Variants in SH3TC2 observed in about 807,000 individuals in gnomAD.
SH3TC2 encodes the protein SH3 domain and tetratricopeptide repeat-containing protein 2.
SH3TC2 carries 87 observed loss-of-function variants against 124.5 expected under a neutral mutation model. That is an observed-to-expected ratio of 0.70 (90% CI 0.59 to 0.84). The LOEUF is 0.84. Ranked by LOEUF, SH3TC2 falls within the 40% of genes least tolerant of loss-of-function variation. The probability of loss-of-function intolerance (pLI) is 0.00; values close to 1 mark genes in which losing one functional copy is unlikely to be tolerated. For missense variants in SH3TC2, 1,536 were observed against 1,566.4 expected (o/e 0.98, Z 0.33); for synonymous variants, 634 against 628.5 (o/e 1.01, Z -0.13).
chr5:149,042,872 A>G, intron 4 of SH3TC2, 35 bp from the exon 5 acceptor site: 1 of 1,613,112 alleles, frequency 6.2e-7, no homozygotes, highest in Non-Finnish European at 8.5e-7. Context: ...TCTGAACAAA[A>G]TGATTTCTGA....
intron 1 of SH3TC2, among the ~76,000 whole-genome samples, chr5:149,055,526 GT>G (rs1754630918): frequency 6.6e-6 from 1 of 152,082 alleles, no homozygotes; most frequent in African/African-American, 2.4e-5. Context: ...CCAAGTGTTT[GT>G]GAGGATATAG....
At position 148,987,195 on chromosome 5, in the gene SH3TC2, T is replaced by C. The variant is rs1753346370; in HGVS notation, c.*17516A>G. On this transcript the variant is annotated 3_prime_UTR_variant, in exon 17 of 17. Transcript: ENST00000515425. ...ATTATTTTAACCACTGTAACCCCTCTGTGGGGAGAGGAGAAAAAGCACATT... is the reference window on the plus strand; with the variant it reads ...ATTATTTTAACCACTGTAACCCCTCCGTGGGGAGAGGAGAAAAAGCACATT... 6.6e-6 allele frequency among the ~76,000 whole-genome samples: 1 copy of C among 152,228 alleles called. No homozygotes were observed. Among genetic ancestry groups the C allele is most frequent in the African/African-American group, 2.4e-5 (1 of 41,464 alleles).
chr5:149,007,868 A>C (rs1273061429), intron 15 of SH3TC2: 1 of 152,552 alleles, frequency 6.6e-6, no homozygotes, highest in Non-Finnish European at 1.5e-5. Context: ...AAGAGAGAGA[A>C]AATTCTCTGA....
intron 1 of SH3TC2, among the ~76,000 whole-genome samples, chr5:149,054,223 T>G (rs907595789): frequency 2.0e-5 from 3 of 152,186 alleles, no homozygotes; most frequent in Non-Finnish European, 2.9e-5. Flanking sequence ...AGAAAAAATA[T>G]TGCTTCATCC....
At position 149,021,884 on chromosome 5, in the gene SH3TC2, C is replaced by CTTT. The variant is rs869151294; in HGVS notation, c.3053+4685_3053+4687dup. 6.4e-4 allele frequency among the ~76,000 whole-genome samples: 21 copies of CTTT among 32,860 alleles called. 9 individuals are homozygous for CTTT. Among genetic ancestry groups the CTTT allele is most frequent in the East Asian group, 2.1e-3 (2 of 934 alleles). 21.6% of individuals were successfully genotyped at this position (32,860 alleles called of 152,430 possible). A position where few individuals can be genotyped will look rare whatever the true frequency, so the allele number is the denominator to read the frequency against. The stretch of plus-strand genomic sequence containing the variant: ...AACACCAATCCTTCACAAACTCTTT[C>CTTT]TTTTTTTTTTTTTTTTTTTTTTTTT... On this transcript the variant is annotated intron_variant, in intron 12 of 16. Transcript: ENST00000515425.
Position 148,992,561 on chromosome 5 carries a change from A to G in SH3TC2, c.*12150T>C, listed in dbSNP as rs1203309624. ...CCATGAGGCCTTTGAAAGTATGTGT[A>G]TGGGTGTGTATACATAATTCCAAGA... is the stretch of plus-strand genomic sequence containing the variant. On this transcript the variant is annotated 3_prime_UTR_variant, in exon 17 of 17. Transcript: ENST00000515425. Among the ~76,000 whole-genome samples the G allele has an allele frequency of 7.2e-6, 1 of 138,400 alleles. No homozygotes were observed. The highest frequency in any genetic ancestry group is 7.3e-5 in the Admixed American group (1 of 13,654). 90.8% of individuals were successfully genotyped at this position (138,400 alleles called of 152,430 possible).
chr5:149,009,818 T>C (rs1380449345), intron 14 of SH3TC2, among the ~76,000 whole-genome samples: 3 of 152,182 alleles, frequency 2.0e-5, no homozygotes, highest in Middle Eastern at 3.2e-3. Flanking sequence ...GCTTGTATTA[T>C]ATATTTTTAA....
rs115523096 is a variant in SH3TC2 at position 148,982,329 on chromosome 5, C to G, written c.*22382G>C. Reference sequence around the variant, plus strand: ...GACAAGAGCATCATGAAGGGCCATTCAGCGTCTATCAAAACAACAAATGCA... The same window carrying G: ...GACAAGAGCATCATGAAGGGCCATTGAGCGTCTATCAAAACAACAAATGCA... On this transcript the variant is annotated 3_prime_UTR_variant, in exon 17 of 17. Transcript: ENST00000515425. Among the ~76,000 whole-genome samples, 775 of 152,318 alleles carry G rather than the reference C, an allele frequency of 5.1e-3. 10 individuals are homozygous for G. The highest frequency in any genetic ancestry group is 0.018 in the African/African-American group (733 of 41,570).
rs114842353 is a variant in SH3TC2, at chr5:149,040,176, C to T, written c.805+428G>A. On this transcript the variant is annotated intron_variant, in intron 7 of 16. Coordinates refer to ENST00000515425, the MANE Select transcript of SH3TC2 (RefSeq NM_024577.4). ...TTATGTGCCAGGCATTTCTACTCTT[C>T]CTAAATTCAAAGTTAATTTTACAAA... Among the ~76,000 whole-genome samples the T allele has an allele frequency of 3.0e-3, 451 of 152,254 alleles. 4 individuals carry two copies. The highest frequency in any genetic ancestry group is 0.01 in the African/African-American group (430 of 41,536).
intron 12 of SH3TC2, 30 bp downstream of exon 12, chr5:149,026,542 C>T (rs1470827263): frequency 3.1e-6 from 5 of 1,612,560 alleles, no homozygotes; most frequent in African/African-American, 1.3e-5. Flanking sequence ...AGGAAAGCTG[C>T]TTCTAGGACA....
At position 148,986,118 on chromosome 5, in the gene SH3TC2, A is replaced by G. The variant is rs1753328742; in HGVS notation, c.*18593T>C. Reference sequence around the variant, plus strand: ...CAATTATAATCAATTTTCACTCACTAAGGCCCTGCTTAATAGCCTATTTTA... The same window carrying G: ...CAATTATAATCAATTTTCACTCACTGAGGCCCTGCTTAATAGCCTATTTTA... On this transcript the variant is annotated 3_prime_UTR_variant, in exon 17 of 17. Transcript: ENST00000515425. Among the ~76,000 whole-genome samples, 4 of 152,200 alleles carry G rather than the reference A, an allele frequency of 2.6e-5. No homozygotes were observed. The highest frequency in any genetic ancestry group is 9.7e-5 in the African/African-American group (4 of 41,448).
rs1561755144 is a variant in SH3TC2, at chr5:149,002,634, T to C, written c.*2077A>G. The C allele has an allele frequency of 6.6e-6, 1 of 152,060 alleles. No individual in the cohort carries two copies. The highest frequency in any genetic ancestry group is 1.9e-4 in the East Asian group (1 of 5,194). The allele number at this position is 152,060 out of a possible 1,614,324, so 9.4% of individuals were successfully genotyped here. ...CAATCATCTGGTCAGCCCAAGAAGC[T>C]AGAAATTAAGGGCAGATGGTCTGAT... On this transcript the variant is annotated 3_prime_UTR_variant, in exon 17 of 17. Transcript: ENST00000515425.
At chr5:149,062,551 A>G (rs1478322047) in intron 1 of SH3TC2, 11 of 434,278 alleles carry the variant, frequency 2.5e-5, no homozygotes, top group Admixed American at 6.4e-5. Flanking sequence ...TTCTCCAGTA[A>G]CAGCAACCCT....
chr5:149,058,603 C>T (rs969437122), intron 1 of SH3TC2, among the ~76,000 whole-genome samples: 2 of 151,408 alleles, frequency 1.3e-5, no homozygotes, highest in African/African-American at 2.4e-5. Flanking sequence ...GGATATTACT[C>T]CCCAGTTGAT....
intron 16 of SH3TC2, among the ~76,000 whole-genome samples, chr5:149,005,955 G>A (rs1753680808): frequency 6.6e-6 from 1 of 152,098 alleles, no homozygotes; most frequent in Non-Finnish European, 1.5e-5. Flanking sequence ...AACTCTAGAA[G>A]TCACCAAAAT....
rs975768035 is a variant in SH3TC2 at position 148,989,900 on chromosome 5, A to G, written c.*14811T>C. 6.6e-5 allele frequency among the ~76,000 whole-genome samples: 10 copies of G among 152,134 alleles called. No homozygotes were observed. The highest frequency in any genetic ancestry group is 8.8e-5 in the Non-Finnish European group (6 of 68,026). On this transcript the variant is annotated 3_prime_UTR_variant, in exon 17 of 17. Coordinates refer to ENST00000515425, the MANE Select transcript of SH3TC2 (RefSeq NM_024577.4). ...TCCACCTGCACTGGGGAAAAATGAG[A>G]TACATAACAGAAAAGAATGAGTTCT...
At chr5:149,034,053 T>C (rs899570742) in intron 8 of SH3TC2, among the ~76,000 whole-genome samples, 2 of 151,622 alleles carry the variant, frequency 1.3e-5, no homozygotes, top group Admixed American at 6.6e-5. Flanking sequence ...AAACTAGAAA[T>C]GACAATAATC....
chr5:149,052,800 A>G (rs1376298602), intron 1 of SH3TC2, among the ~76,000 whole-genome samples: 1 of 152,216 alleles, frequency 6.6e-6, no homozygotes, highest in African/African-American at 2.4e-5. Context: ...AAAGAAGAAG[A>G]AAGAAGATCA....
Position 149,027,710 on chromosome 5 carries a change from A to T in SH3TC2, c.2022T>A (p.Ser674Arg). ...TCTTGTCATACAGAAAACTCAAAAC[A>T]CTGGCCACAGCCTCAGAGGCAGGAG... ...GHPPASEAVASVLSFLYDKKY... is the reference protein window; with the variant it reads ...GHPPASEAVARVLSFLYDKKY... Residue 674 changes from serine to arginine, a missense_variant, in exon 11 of 17, where the codon AGT (serine) becomes AGA (arginine). Ser to Arg is a moderately radical substitution (Grantham distance 110, BLOSUM62 -1). This residue lies in a region of SH3TC2 where 1,102 missense variants were observed against 1,098.6 expected (regional missense o/e 1.00). Transcript: ENST00000515425. 1 of 1,614,038 alleles carries T rather than the reference A, an allele frequency of 6.2e-7. No homozygotes were observed.
Sources: gnomAD v4.1 joint callset for allele counts (sites outside exome capture counted in the v4.1 genomes callset) on GRCh38, gnomAD v4.1.1 for gene constraint, gnomAD v4.1.1 regional missense constraint, MANE v1.5 for transcripts, NCBI Gene and HGNC (gene_info 2026-07-23, HGNC 2026-07-21) for gene names.